GLG1: variants seen among roughly 807,000 people sequenced by gnomAD.
GLG1 encodes the protein golgi glycoprotein 1, also known as Golgi apparatus protein 1.
A neutral mutation model predicts 160.5 loss-of-function variants in GLG1; 38 were observed. The observed-to-expected ratio is 0.24, with a 90% CI of 0.18 to 0.31. GLG1 has a LOEUF of 0.31. Ranked by LOEUF, GLG1 falls within the 10% of genes least tolerant of loss-of-function variation. GLG1 has a pLI of 1.00. For synonymous variants in GLG1, 644 were observed against 543.4 expected, an observed-to-expected ratio of 1.19 and a Z score of -2.57; for missense variants, 1,373 against 1,505.2, an observed-to-expected ratio of 0.91 and a Z score of 1.45.
At chr16:74,574,398 G>C (rs566319650) in intron 1 of GLG1, among the ~76,000 whole-genome samples, 5 of 152,056 alleles carry the variant, frequency 3.3e-5, no homozygotes, top group Non-Finnish European at 7.4e-5. Flanking sequence ...AACAGATAGG[G>C]ATACTGCATT....
intron 1 of GLG1, among the ~76,000 whole-genome samples, chr16:74,591,726 A>T (rs967609499): frequency 3.9e-5 from 6 of 152,226 alleles, no homozygotes; most frequent in Non-Finnish European, 7.3e-5. Context: ...ACTGTTTCAC[A>T]GGCCAGAGAA....
At position 74,452,741 on chromosome 16, in the gene GLG1, T is replaced by C. The variant is rs932819466; in HGVS notation, c.*426A>G. The C allele has an allele frequency of 1.0e-6, 1 of 992,486 alleles. No individual in the cohort carries two copies. Among genetic ancestry groups the C allele is most frequent in the African/African-American group, 1.7e-5 (1 of 57,408 alleles). The allele number at this position is 992,486 out of a possible 1,614,324, so 61.5% of individuals were successfully genotyped here. ...GTTTTACACAGTCATATGAAAGACA[T>C]AACCCCATTGCCCAAATCAAGCCTG... On this transcript the variant is annotated 3_prime_UTR_variant, in exon 26 of 26. Coordinates refer to ENST00000422840, the MANE Select transcript of GLG1 (RefSeq NM_001145667.2).
chr16:74,574,373 C>T (rs1261575300), intron 1 of GLG1, among the ~76,000 whole-genome samples: 2 of 152,116 alleles, frequency 1.3e-5, no homozygotes, highest in Non-Finnish European at 2.9e-5. Context: ...AGACTGCAGG[C>T]CATCTGTTAA....
intron 1 of GLG1, among the ~76,000 whole-genome samples, chr16:74,556,139 A>G (rs1398992955): frequency 6.6e-6 from 1 of 152,186 alleles, no homozygotes; most frequent in Admixed American, 6.5e-5. Flanking sequence ...GGTAAGAATA[A>G]ATCGCCTACT....
At chr16:74,470,508 G>C (rs1338179029) in intron 15 of GLG1, among the ~76,000 whole-genome samples, 1 of 130,770 alleles carries the variant, frequency 7.6e-6, no homozygotes, top group African/African-American at 3.0e-5. Context: ...GAGTGCAGTT[G>C]TGCGATCTCG....
intron 2 of GLG1, among the ~76,000 whole-genome samples, chr16:74,529,322 C>T (rs1048594759): frequency 6.6e-6 from 1 of 151,888 alleles, no homozygotes; most frequent in Non-Finnish European, 1.5e-5. Context: ...CCCATAAGTT[C>T]TTAATTTCTG....
intron 21 of GLG1, 41 bp from the exon 22 acceptor site, chr16:74,462,236 A>G: frequency 2.8e-6 from 3 of 1,059,994 alleles, no homozygotes; most frequent in South Asian, 1.3e-5. Context: ...TGATCAGAAA[A>G]CGAAGCTTTT....
At position 74,495,864 on chromosome 16, in the gene GLG1, G is replaced by C. The variant is rs567956924; in HGVS notation, c.978+577C>G. Among the ~76,000 whole-genome samples, 16 of 152,300 alleles carry C rather than the reference G, an allele frequency of 1.1e-4. No individual in the cohort carries two copies. In the East Asian group the frequency reaches 3.1e-3, roughly 29 times the overall value. ...CCAAATGTTCAGTCATCAAGGTTGA[G>C]CATCCAGTTACCACTTTCTGCTATA... On this transcript the variant is annotated intron_variant, in intron 5 of 25. Coordinates refer to ENST00000422840, the MANE Select transcript of GLG1 (RefSeq NM_001145667.2).
intron 1 of GLG1, among the ~76,000 whole-genome samples, chr16:74,593,915 T>G (rs374878338): frequency 2.6e-5 from 4 of 152,116 alleles, no homozygotes; most frequent in South Asian, 2.1e-4. Flanking sequence ...TTTTTCTTGT[T>G]GTCATTTTTT....
chr16:74,498,448 G>GTGTATATATATATATATTATATATATATA (rs1491436581), intron 4 of GLG1, among the ~76,000 whole-genome samples: 2 of 24,038 alleles, frequency 8.3e-5, no homozygotes, highest in Non-Finnish European at 1.5e-4. Context: ...AAAAAAAAAA[G>GTGTATATATATATATATTATATATATATA]TATATATATA....
At chr16:74,484,931 T>C (rs1244666563) in intron 9 of GLG1, among the ~76,000 whole-genome samples, 1 of 152,052 alleles carries the variant, frequency 6.6e-6, no homozygotes, top group African/African-American at 2.4e-5. Flanking sequence ...TTTGGTTTTT[T>C]GAGACAGGGT....
chr16:74,573,826 C>A (rs1029486279), intron 1 of GLG1, among the ~76,000 whole-genome samples: 1 of 151,206 alleles, frequency 6.6e-6, no homozygotes, highest in African/African-American at 2.4e-5. Context: ...CGGGGTCTCA[C>A]TCTGTCACCC....
chr16:74,522,269 T>G (rs1477385671), intron 2 of GLG1, among the ~76,000 whole-genome samples: 1 of 152,246 alleles, frequency 6.6e-6, no homozygotes, highest in East Asian at 1.9e-4. Context: ...TTACAAGTAT[T>G]TGTGTAGGGT....
At chr16:74,528,659 A>G (rs1387485319) in intron 2 of GLG1, among the ~76,000 whole-genome samples, 1 of 151,664 alleles carries the variant, frequency 6.6e-6, no homozygotes, top group Non-Finnish European at 1.5e-5. Flanking sequence ...TAAAAATACA[A>G]AAGTTAGCTG....
Position 74,474,613 on chromosome 16 carries a change from T to C in GLG1, c.1985A>G (p.Asp662Gly). Residue 662 changes from aspartate (D) to glycine (G), a missense_variant, in exon 13 of 26, where the codon GAC becomes GGC. Asp to Gly is a moderately conservative substitution (Grantham distance 94, BLOSUM62 -1). Transcript: ENST00000422840. ...CTCCACCACCAAGTCATCCAGATGG[T>C]CCTGAAGGCACTCCAGCTCCTGCAA... is the stretch of plus-strand genomic sequence containing the variant. ...ETGQELECLQ[D>G]HLDDLVVECR... 1.3e-6 allele frequency: 2 copies of C among 1,562,252 alleles called. No homozygotes were observed. The highest frequency in any genetic ancestry group is 8.8e-7 in the Non-Finnish European group (1 of 1,132,554).
Position 74,480,305 on chromosome 16 carries a change from G to C in GLG1, c.1763C>G (p.Pro588Arg), listed in dbSNP as rs772019911. 4 of 1,613,126 alleles carry C rather than the reference G, an allele frequency of 2.5e-6. No individual in the cohort carries two copies. Among genetic ancestry groups the C allele is most frequent in the South Asian group, 2.2e-5 (2 of 91,074 alleles). The stretch of plus-strand genomic sequence containing the variant: ...TAAACAAGAGAACACAGCTCCCTGA[G>C]GCATAAATTCACTGGTCTCATTCCA... ...HGWNETSEFM[P>R]QGAVFSCLYR... Residue 588 changes from proline to arginine, a missense_variant, in exon 11 of 26, where the codon CCT (proline) becomes CGT (arginine). Pro to Arg is a moderately radical substitution (Grantham distance 103). Coordinates refer to ENST00000422840, the MANE Select transcript of GLG1 (RefSeq NM_001145667.2).
intron 16 of GLG1, 81 bp from the exon 17 acceptor site, chr16:74,469,144 C>T (rs2015107816): frequency 2.3e-6 from 2 of 857,786 alleles, no homozygotes; most frequent in Admixed American, 3.7e-5. Flanking sequence ...GGGGGTCACA[C>T]CATTAAGAAT....
rs1464604619 is a variant in GLG1, at chr16:74,577,483, T to C, written c.438+29174A>G. ...AGTGCAGTGAACAGCAATGGCACCA[T>C]TGCACTCCACCCTGAGAAACAAGAG... On this transcript the variant is annotated intron_variant, in intron 1 of 25. Transcript: ENST00000422840. 4.8e-5 allele frequency among the ~76,000 whole-genome samples: 7 copies of C among 146,614 alleles called. No homozygotes were observed. In the East Asian group the frequency reaches 1.0e-3, roughly 21 times the overall value.
chr16:74,592,658 A>G (rs1422564548), intron 1 of GLG1, among the ~76,000 whole-genome samples: 1 of 152,170 alleles, frequency 6.6e-6, no homozygotes, highest in African/African-American at 2.4e-5. Flanking sequence ...CAACATCATA[A>G]TAACTGGTAA....
Sources: gnomAD v4.1 joint callset for allele counts (sites outside exome capture counted in the v4.1 genomes callset) on GRCh38, gnomAD v4.1.1 for gene constraint, MANE v1.5 for transcripts, NCBI Gene and HGNC (gene_info 2026-07-23, HGNC 2026-07-21) for gene names.